NXPE4: variants seen among roughly 807,000 people sequenced by gnomAD.
NXPE4 encodes neurexophilin and PC-esterase domain family member 4.
Under a neutral mutation model 33.3 loss-of-function variants are expected in NXPE4, and 42 were observed. The observed-to-expected ratio is 1.26, with a 90% CI of 0.98 to 1.63. NXPE4 has a LOEUF of 1.63. Among genes scored for constraint, NXPE4 ranks in the 40% most tolerant of loss-of-function variants. NXPE4 has a pLI of 0.00. For missense variants in NXPE4, 709 were observed against 647.6 expected, an observed-to-expected ratio of 1.09 and a Z score of -1.03; for synonymous variants, 253 against 234.9, an observed-to-expected ratio of 1.08 and a Z score of -0.71.
chr11:114,658,684 G>A, the NXPE4 span, among the ~76,000 whole-genome samples: 2 of 152,200 alleles, frequency 1.3e-5, 1 homozygote, highest in South Asian at 4.1e-4. Flanking sequence ...TTGAGGAAGG[G>A]CAGAAAACCG....
intron 2 of NXPE4, chr11:114,583,982 G>A: frequency 2.7e-6 from 1 of 373,662 alleles, no homozygotes; most frequent in Non-Finnish European, 5.2e-6. Context: ...TTTCAAACTG[G>A]TCATGTCCAA....
intron 2 of NXPE4, chr11:114,584,632 A>C (rs774961301): frequency 6.4e-6 from 1 of 157,000 alleles, no homozygotes; most frequent in African/African-American, 2.4e-5. Context: ...GTCACAGAAG[A>C]GGAGAAAAAT....
chr11:114,629,020 G>C, the NXPE4 span, among the ~76,000 whole-genome samples: 2 of 152,020 alleles, frequency 1.3e-5, no homozygotes, highest in Non-Finnish European at 2.9e-5. Flanking sequence ...TGAAATTGTG[G>C]CAATAATCAA....
intron 5 of NXPE4, among the ~76,000 whole-genome samples, chr11:114,573,740 T>A (rs940152710): frequency 6.6e-6 from 1 of 151,732 alleles, no homozygotes; most frequent in African/African-American, 2.4e-5. Flanking sequence ...CCAAAAAAAA[T>A]GAGAGATGGC....
the NXPE4 span, among the ~76,000 whole-genome samples, chr11:114,635,440 AT>A: frequency 6.6e-6 from 1 of 151,434 alleles, no homozygotes; most frequent in Non-Finnish European, 1.5e-5. Flanking sequence ...TCTTTTCCTA[AT>A]TGAATACCCT....
rs1471728952 is a variant in NXPE4 at position 114,594,609 on chromosome 11, G to T, written c.96+55C>A. The T allele has an allele frequency of 8.1e-6, 9 of 1,118,002 alleles. No individual in the cohort carries two copies. In the African/African-American group the frequency reaches 1.4e-4, roughly 17 times the overall value. 69.3% of individuals were successfully genotyped at this position (1,118,002 alleles called of 1,614,324 possible). A position where few individuals can be genotyped will look rare whatever the true frequency, so the allele number is the denominator to read the frequency against. ...TAGTTTAGCCTTTCCTAGAACAGATGAGGTAATAAGCAAAAATAAGCTTCT... is the reference window on the plus strand; with the variant it reads ...TAGTTTAGCCTTTCCTAGAACAGATTAGGTAATAAGCAAAAATAAGCTTCT... On this transcript the variant is annotated intron_variant, in intron 2 of 5. Coordinates refer to ENST00000375478, the MANE Select transcript of NXPE4 (RefSeq NM_001077639.2).
the NXPE4 span, among the ~76,000 whole-genome samples, chr11:114,614,925 G>C: frequency 6.6e-6 from 1 of 150,512 alleles, no homozygotes; most frequent in African/African-American, 2.4e-5. Context: ...AGTGGATAAT[G>C]AGTATTGCCT....
At chr11:114,664,948 C>T in the NXPE4 span, among the ~76,000 whole-genome samples, 1 of 152,092 alleles carries the variant, frequency 6.6e-6, no homozygotes, top group Non-Finnish European at 1.5e-5. Context: ...CTAGGCTAAG[C>T]TATGATGTTT....
At chr11:114,664,587 G>A in the NXPE4 span, among the ~76,000 whole-genome samples, 1 of 152,138 alleles carries the variant, frequency 6.6e-6, no homozygotes, top group Non-Finnish European at 1.5e-5. Flanking sequence ...GGAGCTCCTT[G>A]AAAGTACAGA....
chr11:114,640,102 TTA>T, the NXPE4 span, among the ~76,000 whole-genome samples: 33 of 124,182 alleles, frequency 2.7e-4, no homozygotes, highest in Admixed American at 1.6e-3. Context: ...TAATATATGA[TTA>T]TATATTGTAT....
At chr11:114,591,844 A>C (rs1236809250) in intron 2 of NXPE4, among the ~76,000 whole-genome samples, 1 of 152,152 alleles carries the variant, frequency 6.6e-6, no homozygotes, top group Non-Finnish European at 1.5e-5. Context: ...TGATGCAAGG[A>C]TTATCTGAGA....
the NXPE4 span, among the ~76,000 whole-genome samples, chr11:114,603,055 G>T: frequency 1.3e-5 from 2 of 151,208 alleles, no homozygotes; most frequent in South Asian, 4.2e-4. Flanking sequence ...AATAATTATT[G>T]TCTCATAGGT....
the NXPE4 span, among the ~76,000 whole-genome samples, chr11:114,660,368 A>G: frequency 3.3e-5 from 5 of 152,060 alleles, no homozygotes; most frequent in African/African-American, 1.2e-4. Context: ...TCAACAAAGT[A>G]TTAGCAAATT....
chr11:114,584,052 C>A (rs1236938221), intron 2 of NXPE4: 1 of 320,416 alleles, frequency 3.1e-6, no homozygotes, highest in Admixed American at 3.8e-5. Context: ...GATGCCTTGT[C>A]TAGGGGTCAC....
the NXPE4 span, among the ~76,000 whole-genome samples, chr11:114,626,769 G>C: frequency 1.3e-5 from 2 of 152,006 alleles, no homozygotes; most frequent in African/African-American, 4.8e-5. Context: ...TGAAAACTTT[G>C]AAAAAAATTT....
chr11:114,632,207 A>G, the NXPE4 span, among the ~76,000 whole-genome samples: 2 of 141,314 alleles, frequency 1.4e-5, no homozygotes, highest in African/African-American at 5.1e-5. Context: ...TATACATATT[A>G]TATATGTATA....
the NXPE4 span, among the ~76,000 whole-genome samples, chr11:114,639,373 C>T: frequency 2.4e-4 from 36 of 152,056 alleles, no homozygotes; most frequent in African/African-American, 7.9e-4. Context: ...CGTCTGTTAC[C>T]CCTTTCTTTG....
At chr11:114,630,658 C>A in the NXPE4 span, among the ~76,000 whole-genome samples, 6 of 150,584 alleles carry the variant, frequency 4.0e-5, no homozygotes, top group Admixed American at 6.6e-5. Context: ...GCAACAAAAG[C>A]CAAAATTGAC....
At chr11:114,599,810 C>T (rs558088010), upstream of NXPE4, among the ~76,000 whole-genome samples, 27 of 152,076 alleles carry the variant, frequency 1.8e-4, no homozygotes, top group Non-Finnish European at 3.5e-4. Context: ...ACTCTGCCCC[C>T]GTGATCCAAT....
Sources: gnomAD v4.1 joint callset for allele counts (sites outside exome capture counted in the v4.1 genomes callset) on GRCh38, gnomAD v4.1.1 for gene constraint, MANE v1.5 for transcripts, NCBI Gene and HGNC (gene_info 2026-07-23, HGNC 2026-07-21) for gene names.